DNAH7: variants seen among roughly 807,000 people sequenced by gnomAD.
DNAH7 encodes dynein axonemal heavy chain 7.
A neutral mutation model predicts 444.6 loss-of-function variants in DNAH7; 397 were observed. The observed-to-expected ratio is 0.89, with a 90% CI of 0.82 to 0.97. DNAH7 has a LOEUF of 0.97. DNAH7 is among the 50% of genes least tolerant of loss of function. DNAH7 has a pLI of 0.00. For synonymous variants in DNAH7, 1,636 were observed against 1,624.4 expected, an observed-to-expected ratio of 1.01 and a Z score of -0.17; for missense variants, 4,902 against 4,800.8, an observed-to-expected ratio of 1.02 and a Z score of -0.62.
chr2:196,014,405 A>T (rs562588723), intron 9 of DNAH7, among the ~76,000 whole-genome samples: 1 of 152,098 alleles, frequency 6.6e-6, no homozygotes, highest in Non-Finnish European at 1.5e-5. Flanking sequence ...GCTCCAAATC[A>T]CCCAGACCAT....
intron 58 of DNAH7, among the ~76,000 whole-genome samples, chr2:195,778,643 A>ATAT (rs1336691686): frequency 1.1e-4 from 6 of 56,214 alleles, no homozygotes; most frequent in East Asian, 1.9e-3. Context: ...TAAATAAATA[A>ATAT]ATATATATAT....
chr2:195,864,657 G>A lies in DNAH7; in HGVS notation c.6998C>T (p.Pro2333Leu), dbSNP rs1467904584. 4 of 1,614,160 alleles carry A rather than the reference G, an allele frequency of 2.5e-6. No homozygotes were observed. Among genetic ancestry groups the A allele is most frequent in the Non-Finnish European group, 3.4e-6 (4 of 1,180,038 alleles). The change falls in exon 41 of 65, where the codon CCT (proline) becomes CTT (leucine). Residue 2333 changes from proline (P) to leucine (L), a missense_variant. Physicochemically the swap from Pro to Leu is moderately conservative, Grantham distance 98. Coordinates refer to ENST00000312428, the MANE Select transcript of DNAH7 (RefSeq NM_018897.3). ...CCCTACTAGGAGAGCATGGCTGCGA[G>A]GCTGCTTCAGGATCCTGGAAATTCT... is the stretch of plus-strand genomic sequence containing the variant. The part of the protein sequence containing the change: ...ISRISRILKQ[P>L]RSHALLVGVG...
intron 17 of DNAH7, among the ~76,000 whole-genome samples, chr2:195,967,389 T>C (rs1212464758): frequency 6.6e-6 from 1 of 152,214 alleles, no homozygotes; most frequent in African/African-American, 2.4e-5. Flanking sequence ...ATGAGTAGTT[T>C]ACATACCACA....
rs377604116 is a variant in DNAH7, at chr2:196,047,512, CAAAAA to C, written c.251-18_251-14del. 7.5e-7 allele frequency: 1 copy of C among 1,326,394 alleles called. No homozygotes were observed. Among genetic ancestry groups the C allele is most frequent in the Non-Finnish European group, 1.0e-6 (1 of 996,826 alleles). 82.2% of individuals were successfully genotyped at this position (1,326,394 alleles called of 1,614,324 possible). On this transcript the variant is annotated splice_polypyrimidine_tract_variant and intron_variant, in intron 4 of 64. Transcript: ENST00000312428. ...TCCATGTATTCAGCTTAAATTAAAA[CAAAAA>C]AAAAAGCACAATTATTCATCTAAAA...
At position 195,895,000 on chromosome 2, in the gene DNAH7, T is replaced by G; in HGVS notation, c.4872A>C (p.Gly1624=). Residue 1624 remains glycine, a synonymous_variant, in exon 30 of 65, where the codon GGA becomes GGC. Transcript: ENST00000312428. Reference sequence around the variant, plus strand: ...CCTTTTCACATATATCATTTAGTGCTCCAGCTAAGACACGATATGCACTAG... The same window carrying G: ...CCTTTTCACATATATCATTTAGTGCGCCAGCTAAGACACGATATGCACTAG... The part of the protein sequence containing the change: ...GKTSAYRVLA[G]ALNDICEKGL... 1 of 1,609,038 alleles carries G rather than the reference T, an allele frequency of 6.2e-7. No individual in the cohort carries two copies. Among genetic ancestry groups the G allele is most frequent in the Non-Finnish European group, 8.5e-7 (1 of 1,177,010 alleles).
At chr2:195,740,258 T>G (rs1299864780) in intron 64 of DNAH7, among the ~76,000 whole-genome samples, 1 of 152,158 alleles carries the variant, frequency 6.6e-6, no homozygotes, top group Non-Finnish European at 1.5e-5. Context: ...GTGCTGAGAT[T>G]ACAGGTGTGA....
intron 12 of DNAH7, among the ~76,000 whole-genome samples, chr2:195,989,757 TA>T (rs1161008263): frequency 1.3e-5 from 2 of 152,108 alleles, no homozygotes; most frequent in African/African-American, 4.8e-5. Flanking sequence ...TCTGGTCATT[TA>T]AAAGTGTGTG....
At chr2:196,003,730 C>T (rs1373603876) in intron 10 of DNAH7, among the ~76,000 whole-genome samples, 2 of 152,106 alleles carry the variant, frequency 1.3e-5, no homozygotes, top group African/African-American at 4.8e-5. Context: ...TAGTGTAAAC[C>T]ATAACAGTTT....
intron 4 of DNAH7, among the ~76,000 whole-genome samples, chr2:196,047,728 G>A: frequency 1.3e-5 from 2 of 149,888 alleles, no homozygotes. Context: ...TTTATATTTT[G>A]ATTAATATAC....
intron 58 of DNAH7, among the ~76,000 whole-genome samples, chr2:195,782,547 A>C (rs933340066): frequency 6.6e-6 from 1 of 152,228 alleles, no homozygotes; most frequent in African/African-American, 2.4e-5. Flanking sequence ...TTCTTTCACT[A>C]TAAATGAACT....
intron 15 of DNAH7, among the ~76,000 whole-genome samples, chr2:195,975,996 G>A (rs564270036): frequency 6.6e-6 from 1 of 152,292 alleles, no homozygotes; most frequent in East Asian, 1.9e-4. Flanking sequence ...CACAACTGTA[G>A]TGGCTACCAA....
At chr2:196,059,492 A>T (rs1015536740) in intron 1 of DNAH7, among the ~76,000 whole-genome samples, 10 of 152,284 alleles carry the variant, frequency 6.6e-5, no homozygotes, top group African/African-American at 2.4e-4. Context: ...TTCTCCTTTG[A>T]CAACCAGCAT....
At chr2:196,068,596 A>G (rs935557704) in intron 1 of DNAH7, 101 bp downstream of exon 1, 1 of 1,477,894 alleles carries the variant, frequency 6.8e-7, no homozygotes, top group Non-Finnish European at 9.1e-7. Flanking sequence ...CCGCGGAGTC[A>G]CAGCTGGGGA....
In DNAH7 at chr2:195,754,503, C is replaced by T; in HGVS notation, c.11598G>A (p.Glu3866=). ...GCCAGAAGACTGGAGGAGGACCAAC[C>T]TCATACCATTGCTAGGGTGTAAAAC... The part of the protein sequence containing the change: ...ARLKFLQQWY[E]VGPPPVFWLS... The change falls in exon 63 of 65, where the codon GAG becomes GAA. Residue 3866 remains glutamate, a synonymous_variant. Coordinates refer to ENST00000312428, the MANE Select transcript of DNAH7 (RefSeq NM_018897.3). 1.2e-6 allele frequency: 2 copies of T among 1,613,908 alleles called. No individual in the cohort carries two copies. The highest frequency in any genetic ancestry group is 1.7e-6 in the Non-Finnish European group (2 of 1,179,904).
At chr2:195,849,942 G>C (rs1699244954) in intron 46 of DNAH7, among the ~76,000 whole-genome samples, 1 of 152,112 alleles carries the variant, frequency 6.6e-6, no homozygotes, top group East Asian at 1.9e-4. Context: ...CAGGCTGTAG[G>C]TTGGCCTACA....
intron 57 of DNAH7, among the ~76,000 whole-genome samples, chr2:195,791,455 G>C (rs1389754266): frequency 6.6e-6 from 1 of 151,766 alleles, no homozygotes; most frequent in African/African-American, 2.4e-5. Context: ...TACACTGTTG[G>C]TAGGAATGTA....
In DNAH7 at chr2:195,739,465, T is replaced by C. The variant is rs115504327; in HGVS notation, c.11868+1301A>G. On this transcript the variant is annotated intron_variant, in intron 64 of 64. Transcript: ENST00000312428. ...TCTACCCTTCAAATTGCTATTTTCT[T>C]AAGCCATTTTCTCATGATGCAGTTA... Among the ~76,000 whole-genome samples, 1,053 of 152,348 alleles carry C rather than the reference T, an allele frequency of 6.9e-3. 7 individuals carry two copies. The highest frequency in any genetic ancestry group is 0.024 in the African/African-American group (1,000 of 41,570).
In DNAH7 at chr2:195,957,430, A is replaced by G; in HGVS notation, c.2909T>C (p.Leu970Pro). The G allele has an allele frequency of 6.4e-7, 1 of 1,564,544 alleles. No individual in the cohort carries two copies. The highest frequency in any genetic ancestry group is 8.7e-7 in the Non-Finnish European group (1 of 1,146,192). ...EKQMREWEGKLLLLQEILDEW... is the reference protein window; with the variant it reads ...EKQMREWEGKPLLLQEILDEW... Reference sequence around the variant, plus strand: ...ATCCAGAATCTCCTGAAGCAGTAGGAGCTTGCCCTCCCATTCTCTGAGGAG... The same window carrying G: ...ATCCAGAATCTCCTGAAGCAGTAGGGGCTTGCCCTCCCATTCTCTGAGGAG... Residue 970 changes from leucine to proline, a missense_variant, in exon 19 of 65, where the codon CTC (leucine) becomes CCC (proline). Transcript: ENST00000312428.
intron 57 of DNAH7, among the ~76,000 whole-genome samples, chr2:195,794,072 G>A (rs1419433257): frequency 6.6e-6 from 1 of 152,184 alleles, no homozygotes; most frequent in Non-Finnish European, 1.5e-5. Flanking sequence ...ATGGCTTACA[G>A]CTGACTTTCT....
Sources: gnomAD v4.1 joint callset for allele counts (sites outside exome capture counted in the v4.1 genomes callset) on GRCh38, gnomAD v4.1.1 for gene constraint, MANE v1.5 for transcripts, NCBI Gene and HGNC (gene_info 2026-07-23, HGNC 2026-07-21) for gene names.